SEPTIN12: variants seen among roughly 807,000 people sequenced by gnomAD.
SEPTIN12 encodes the protein septin 12, also known as septin-12.
SEPTIN12 carries 42 observed loss-of-function variants against 37.7 expected under a neutral mutation model. That is an observed-to-expected ratio of 1.11 (90% CI 0.87 to 1.44). The LOEUF (loss-of-function observed/expected upper bound fraction) is 1.44, where lower values mean the gene tolerates loss of function less well. Among genes scored for constraint, SEPTIN12 ranks in the 40% most tolerant of loss-of-function variants. SEPTIN12 has a pLI of 0.00. For synonymous variants in SEPTIN12, 254 were observed against 196.7 expected, an observed-to-expected ratio of 1.29 and a Z score of -2.44; for missense variants, 613 against 479.2, an observed-to-expected ratio of 1.28 and a Z score of -2.61.
At chr16:4,778,046 C>G (rs1444920396) in intron 9 of SEPTIN12, 40 bp downstream of exon 9, 1 of 1,613,266 alleles carries the variant, frequency 6.2e-7, no homozygotes, top group Admixed American at 1.7e-5. Flanking sequence ...CCCCAGGGCC[C>G]CTCGCCAGCC....
Position 4,785,882 on chromosome 16 carries a change from T to A in SEPTIN12, c.299A>T (p.Glu100Val). The change falls in exon 4 of 10, where the codon GAG becomes GTG. Residue 100 changes from glutamate (E) to valine (V), a missense_variant. Glu to Val is a moderately radical substitution (Grantham distance 121, BLOSUM62 -2). Transcript: ENST00000268231. ...LQLHSLTHVI[E>V]EKGVKLKLTV... is the part of the protein sequence containing the mutation. Reference sequence around the variant, plus strand: ...CAGCTTCAGCTTCACACCCTTCTCCTCTATGACTGTGGAGGGAGAGCAGAG... The same window carrying A: ...CAGCTTCAGCTTCACACCCTTCTCCACTATGACTGTGGAGGGAGAGCAGAG... The A allele has an allele frequency of 6.2e-7, 1 of 1,609,878 alleles. No individual in the cohort carries two copies. Among genetic ancestry groups the A allele is most frequent in the South Asian group, 1.1e-5 (1 of 90,936 alleles).
At chr16:4,780,993 GC>G (rs2082365972) in intron 7 of SEPTIN12, among the ~76,000 whole-genome samples, 1 of 152,014 alleles carries the variant, frequency 6.6e-6, no homozygotes, top group Non-Finnish European at 1.5e-5. Context: ...GGGCACGGTG[GC>G]TCACGCCTAT....
At position 4,787,060 on chromosome 16, in the gene SEPTIN12, G is replaced by C. The variant is rs982733704; in HGVS notation, c.166+420C>G. Among the ~76,000 whole-genome samples, 18 of 152,154 alleles carry C rather than the reference G, an allele frequency of 1.2e-4. 1 individual carries two copies. Among genetic ancestry groups the C allele is most frequent in the African/African-American group, 4.1e-4 (17 of 41,432 alleles). ...CTGGCAAATTTTTGTATTTTTAGTAGAGACGGAGTTTCCCCATGTTGGCCA... is the reference window on the plus strand; with the variant it reads ...CTGGCAAATTTTTGTATTTTTAGTACAGACGGAGTTTCCCCATGTTGGCCA... On this transcript the variant is annotated intron_variant, in intron 2 of 9. Coordinates refer to ENST00000268231, the MANE Select transcript of SEPTIN12 (RefSeq NM_144605.5).
intron 2 of SEPTIN12, among the ~76,000 whole-genome samples, chr16:4,786,476 T>A (rs1241118310): frequency 1.3e-5 from 2 of 149,578 alleles, no homozygotes; most frequent in African/African-American, 4.9e-5. Flanking sequence ...TGTCTCAGCC[T>A]CCCAAGTAGC....
At chr16:4,779,870 G>A in intron 7 of SEPTIN12, 84 bp from the exon 8 acceptor site, 2 of 863,426 alleles carry the variant, frequency 2.3e-6, no homozygotes, top group Admixed American at 3.7e-5. Context: ...AGGCAGGAGA[G>A]GGGAGTCCTA....
At position 4,786,119 on chromosome 16, in the gene SEPTIN12, C is replaced by T. The variant is rs758312110; in HGVS notation, c.167-14G>A. On this transcript the variant is annotated splice_polypyrimidine_tract_variant and intron_variant, in intron 2 of 9. Transcript: ENST00000268231. ...GCCCGCTTTGCCCTGGGAGTGGCAA[C>T]CGGATGACAGCAGTTAGGGTGGGCG... is the stretch of plus-strand genomic sequence containing the variant. 2.5e-6 allele frequency: 4 copies of T among 1,591,444 alleles called. No individual in the cohort carries two copies. Among genetic ancestry groups the T allele is most frequent in the African/African-American group, 1.3e-5 (1 of 74,202 alleles).
At chr16:4,781,760 T>C (rs2082373685) in intron 7 of SEPTIN12, among the ~76,000 whole-genome samples, 1 of 150,314 alleles carries the variant, frequency 6.7e-6, no homozygotes, top group Admixed American at 6.7e-5. Context: ...TTCTCCTGCC[T>C]CAGCCTCCTA....
chr16:4,779,868 G>C (rs1048143550), intron 7 of SEPTIN12, 82 bp from the exon 8 acceptor site: 2 of 878,922 alleles, frequency 2.3e-6, no homozygotes, highest in East Asian at 2.5e-5. Context: ...CCAGGCAGGA[G>C]AGGGGAGTCC....
At chr16:4,785,607 C>G (rs1455946537) in intron 4 of SEPTIN12, 200 bp downstream of exon 4, 2 of 551,952 alleles carry the variant, frequency 3.6e-6, no homozygotes, top group African/African-American at 1.9e-5. Context: ...AACCCCATCT[C>G]AACTAAAAAT....
intron 4 of SEPTIN12, 103 bp from the exon 5 acceptor site, chr16:4,784,171 T>C: frequency 7.2e-7 from 1 of 1,396,996 alleles, no homozygotes; most frequent in Non-Finnish European, 9.9e-7. Flanking sequence ...GGACGACGAA[T>C]CGTCCCGGTT....
At chr16:4,785,956 A>C in intron 3 of SEPTIN12, 24 bp downstream of exon 3, 1 of 1,609,790 alleles carries the variant, frequency 6.2e-7, no homozygotes, top group Non-Finnish European at 8.5e-7. Context: ...GGGTGGGGTG[A>C]GGTGTGGGCA....
intron 8 of SEPTIN12, 25 bp downstream of exon 8, chr16:4,779,665 T>C: frequency 6.7e-7 from 1 of 1,482,008 alleles, no homozygotes; most frequent in Non-Finnish European, 9.4e-7. Flanking sequence ...CCCACCTGCA[T>C]CCTACCCAGG....
At position 4,784,052 on chromosome 16, in the gene SEPTIN12, C is replaced by T; in HGVS notation, c.391G>A (p.Gly131Ser). 6.2e-7 allele frequency: 1 copy of T among 1,614,122 alleles called. No individual in the cohort carries two copies. The highest frequency in any genetic ancestry group is 8.5e-7 in the Non-Finnish European group (1 of 1,180,012). ...TGCTCGTATTGCTCGTTGATGTAGC[C>T]CAGGATGGGGTCCCAGCTGAGGCGG... ...NNDNCWDPIL[G>S]YINEQYEQYL... The change falls in exon 5 of 10, where the codon GGC (glycine) becomes AGC (serine). Residue 131 changes from glycine to serine, a missense_variant. By Grantham distance (56) the Gly-to-Ser change is moderately conservative (BLOSUM62 0). Transcript: ENST00000268231.
intron 6 of SEPTIN12, 42 bp from the exon 7 acceptor site, chr16:4,783,599 T>C: frequency 1.2e-6 from 2 of 1,611,308 alleles, no homozygotes; most frequent in Non-Finnish European, 1.7e-6. Flanking sequence ...CCCTGCCCAC[T>C]CTGCCCTCTG....
upstream of SEPTIN12, among the ~76,000 whole-genome samples, chr16:4,789,436 C>G (rs2082515456): frequency 6.6e-6 from 1 of 152,056 alleles, no homozygotes; most frequent in African/African-American, 2.4e-5. Context: ...CGCCGCTCTC[C>G]TGCCTCAGCC....
At position 4,779,607 on chromosome 16, in the gene SEPTIN12, G is replaced by A; in HGVS notation, c.823+83C>T. 3 of 834,694 alleles carry A rather than the reference G, an allele frequency of 3.6e-6. No individual in the cohort carries two copies. In the South Asian group the frequency reaches 4.0e-5, roughly 11 times the overall value. 51.7% of individuals were successfully genotyped at this position (834,694 alleles called of 1,614,324 possible). On this transcript the variant is annotated intron_variant, in intron 8 of 9. Transcript: ENST00000268231. ...AGTGGGCTTCACCTTTCTGTGCCCT[G>A]TGATGGGTGCGAAGGTTGCCCAAGG...
intron 2 of SEPTIN12, 25 bp downstream of exon 2, chr16:4,787,455 G>T (rs1160844983): frequency 3.1e-6 from 5 of 1,608,314 alleles, no homozygotes; most frequent in Non-Finnish European, 4.2e-6. Flanking sequence ...GGTCTGTCCT[G>T]CCGTGGGCCC....
chr16:4,781,758 C>T (rs1363664849), intron 7 of SEPTIN12, among the ~76,000 whole-genome samples: 1 of 150,402 alleles, frequency 6.6e-6, no homozygotes, highest in Non-Finnish European at 1.5e-5. Flanking sequence ...GATTCTCCTG[C>T]CTCAGCCTCC....
intron 7 of SEPTIN12, among the ~76,000 whole-genome samples, chr16:4,782,216 C>T (rs2082380163): frequency 6.6e-6 from 1 of 152,088 alleles, no homozygotes; most frequent in African/African-American, 2.4e-5. Flanking sequence ...TCCCAAAGTG[C>T]TGGGATTACA....
Sources: allele counts gnomAD v4.1 joint callset (sites outside exome capture counted in the v4.1 genomes callset), GRCh38; gene constraint gnomAD v4.1.1; transcripts MANE v1.5; gene names NCBI Gene and HGNC (gene_info 2026-07-23, HGNC 2026-07-21).